Variants in HPCAL1 observed in about 807,000 individuals in gnomAD.
HPCAL1 encodes the protein hippocalcin like 1.
A neutral mutation model predicts 17.1 loss-of-function variants in HPCAL1; 8 were observed. The ratio of observed to expected loss-of-function variants is 0.47; its 90% CI spans 0.27 to 0.84. HPCAL1 has a LOEUF of 0.84. Ranked by LOEUF, HPCAL1 falls within the 40% of genes least tolerant of loss-of-function variation. The probability of loss-of-function intolerance (pLI) is 0.13; values close to 1 mark genes in which losing one functional copy is unlikely to be tolerated. For synonymous variants in HPCAL1, 112 were observed against 111.4 expected (o/e 1.01, Z -0.03); for missense variants, 165 against 271.1 (o/e 0.61, Z 2.75).
Position 10,365,056 on chromosome 2 carries a change from C to T in HPCAL1, c.-110-31779C>T, listed in dbSNP as rs1388875733. 6.6e-6 allele frequency among the ~76,000 whole-genome samples: 1 copy of T among 152,220 alleles called. No individual in the cohort carries two copies. Among genetic ancestry groups the T allele is most frequent in the East Asian group, 1.9e-4 (1 of 5,190 alleles). On this transcript the variant is annotated intron_variant, in intron 1 of 4. Transcript: ENST00000307845. The surrounding 1 kb of genome is among the most constrained non-coding windows in gnomAD (Gnocchi z 4.8). ...TCCTGATGCCTTTGGCCACCAGCCT[C>T]AAAATCTCCCAGAGTTCCAGGTGCT...
Position 10,310,839 on chromosome 2 carries a change from A to G in HPCAL1, c.-111+7662A>G, listed in dbSNP as rs2125382319. Reference sequence around the variant, plus strand: ...AGCGCTCTTTTTCTCTAGCAGCAAAATGCTCAGCTCTCTGCCTTCTTTCTG... The same window carrying G: ...AGCGCTCTTTTTCTCTAGCAGCAAAGTGCTCAGCTCTCTGCCTTCTTTCTG... On this transcript the variant is annotated intron_variant, in intron 1 of 4. Transcript: ENST00000307845. The surrounding 1 kb of genome is among the most constrained non-coding windows in gnomAD (Gnocchi z 4.5). Among the ~76,000 whole-genome samples the G allele has an allele frequency of 6.6e-6, 1 of 152,250 alleles. No individual in the cohort carries two copies. Among genetic ancestry groups the G allele is most frequent in the African/African-American group, 2.4e-5 (1 of 41,542 alleles).
At chr2:10,398,539 T>C (rs1263745608) in intron 2 of HPCAL1, among the ~76,000 whole-genome samples, 1 of 152,164 alleles carries the variant, frequency 6.6e-6, no homozygotes, top group Non-Finnish European at 1.5e-5. Flanking sequence ...GTTTCATCTG[T>C]GGCCCTGGTA....
intron 1 of HPCAL1, among the ~76,000 whole-genome samples, chr2:10,356,012 G>A (rs777257842): frequency 2.0e-5 from 3 of 152,164 alleles, no homozygotes; most frequent in East Asian, 1.9e-4. Flanking sequence ...CCCAGGGACC[G>A]CACAGAGCAG....
At chr2:10,328,482 C>T (rs1664150120) in intron 1 of HPCAL1, among the ~76,000 whole-genome samples, 1 of 152,208 alleles carries the variant, frequency 6.6e-6, no homozygotes, top group Non-Finnish European at 1.5e-5. Context: ...AGGATCTGCC[C>T]TCACCAGTGT....
At chr2:10,426,496 G>T in intron 4 of HPCAL1, 1 of 532,434 alleles carries the variant, frequency 1.9e-6, no homozygotes, top group South Asian at 2.2e-5. Context: ...AGCTTGCTGG[G>T]TAAGCCCTTT....
intron 1 of HPCAL1, among the ~76,000 whole-genome samples, chr2:10,313,549 G>T (rs765539071): frequency 2.0e-5 from 3 of 152,176 alleles, no homozygotes; most frequent in African/African-American, 7.2e-5. Flanking sequence ...TTTGTTTTAC[G>T]CATTTGTTAA....
chr2:10,417,727 T>G (rs1670761633), intron 2 of HPCAL1, among the ~76,000 whole-genome samples: 2 of 152,074 alleles, frequency 1.3e-5, no homozygotes, highest in African/African-American at 4.8e-5. Flanking sequence ...TGTTTGGAAT[T>G]TTGAAAGATA....
chr2:10,411,436 T>G, intron 2 of HPCAL1, among the ~76,000 whole-genome samples: 1 of 152,136 alleles, frequency 6.6e-6, no homozygotes, highest in Non-Finnish European at 1.5e-5. Flanking sequence ...CTTCACTGTG[T>G]CCTCCCCTGG....
chr2:10,358,711 G>A (rs1326999932), intron 1 of HPCAL1, among the ~76,000 whole-genome samples: 1 of 152,158 alleles, frequency 6.6e-6, no homozygotes, highest in Non-Finnish European at 1.5e-5. Flanking sequence ...GAGTTTGGCT[G>A]GGGCGGTCGG....
intron 4 of HPCAL1, 33 bp downstream of exon 4, chr2:10,423,121 AC>A (rs1671171730): frequency 6.7e-7 from 1 of 1,486,228 alleles, no homozygotes; most frequent in African/African-American, 1.4e-5. Context: ...CTGCATGTGT[AC>A]GCCACGGTAG....
chr2:10,341,036 T>C (rs764654831), intron 1 of HPCAL1, among the ~76,000 whole-genome samples: 1 of 152,224 alleles, frequency 6.6e-6, no homozygotes, highest in Admixed American at 6.5e-5. Flanking sequence ...TGATGGCCAC[T>C]GAACTAACCT....
rs1004882359 is a variant in HPCAL1, at chr2:10,348,612, A to AT, written c.-111+45435_-111+45436insT. 6.4e-3 allele frequency among the ~76,000 whole-genome samples: 957 copies of AT among 149,400 alleles called. 5 individuals are homozygous for AT. Among genetic ancestry groups the AT allele is most frequent in the Non-Finnish European group, 1.0e-2 (673 of 67,380 alleles). ...GATCCTGTCTCTACAAAAAAAAAAA[A>AT]ATATATATATATATAAATTAGCCAG... is the stretch of plus-strand genomic sequence containing the variant. On this transcript the variant is annotated intron_variant, in intron 1 of 4. Coordinates refer to ENST00000307845, the MANE Select transcript of HPCAL1 (RefSeq NM_002149.4).
intron 1 of HPCAL1, among the ~76,000 whole-genome samples, chr2:10,386,740 G>A (rs190152832): frequency 5.9e-5 from 9 of 152,300 alleles, no homozygotes; most frequent in African/African-American, 1.4e-4. Context: ...AGGAGACCAC[G>A]CTTCAGATGG....
At chr2:10,334,697 T>TTTTTTTTTTTTTTG (rs1664607171) in intron 1 of HPCAL1, among the ~76,000 whole-genome samples, 1 of 150,520 alleles carries the variant, frequency 6.6e-6, no homozygotes, top group Non-Finnish European at 1.5e-5. Context: ...TCCATTGACT[T>TTTTTTTTTTTTTTG]TTTTTTGAGG....
chr2:10,311,921 A>G (rs1314395636), intron 1 of HPCAL1, among the ~76,000 whole-genome samples: 1 of 148,272 alleles, frequency 6.7e-6, no homozygotes, highest in Non-Finnish European at 1.5e-5. Flanking sequence ...TCATCATTCC[A>G]TTCATCACCA....
At chr2:10,307,927 A>T (rs1416079483) in intron 1 of HPCAL1, among the ~76,000 whole-genome samples, 1 of 152,220 alleles carries the variant, frequency 6.6e-6, no homozygotes, top group Non-Finnish European at 1.5e-5. Flanking sequence ...TTAACGCAGT[A>T]AGTGCTTCTG....
chr2:10,306,770 G>A (rs1056977422), intron 1 of HPCAL1, among the ~76,000 whole-genome samples: 8 of 152,186 alleles, frequency 5.3e-5, no homozygotes, highest in African/African-American at 1.9e-4. Flanking sequence ...TAAATCATCT[G>A]AAAAGCACAG....
chr2:10,426,863 C>A lies in HPCAL1; in HGVS notation c.*42C>A. On this transcript the variant is annotated 3_prime_UTR_variant, in exon 5 of 5. Transcript: ENST00000307845. ...CAGTTGCAGAGAAACACAGGCTTGTCGTGCCGTTTAAGCTTTGCTTGCAAG... is the reference window on the plus strand; with the variant it reads ...CAGTTGCAGAGAAACACAGGCTTGTAGTGCCGTTTAAGCTTTGCTTGCAAG... 1 of 1,539,934 alleles carries A rather than the reference C, an allele frequency of 6.5e-7. No individual in the cohort carries two copies. Among genetic ancestry groups the A allele is most frequent in the Non-Finnish European group, 9.0e-7 (1 of 1,113,912 alleles).
rs1664330029 is a variant in HPCAL1 at position 10,330,950 on chromosome 2, C to T, written c.-111+27773C>T. On this transcript the variant is annotated intron_variant, in intron 1 of 4. Transcript: ENST00000307845. This position sits in a 1 kb window ranked among gnomAD's most constrained non-coding sequence, Gnocchi z 4.2. ...GGTGCAGCAAGCCCACCCCTGCATTCGGAGAGCCTTAGCGGGAAGCCTGTT... is the reference window on the plus strand; with the variant it reads ...GGTGCAGCAAGCCCACCCCTGCATTTGGAGAGCCTTAGCGGGAAGCCTGTT... Among the ~76,000 whole-genome samples, 1 of 152,172 alleles carries T rather than the reference C, an allele frequency of 6.6e-6. No homozygotes were observed. Among genetic ancestry groups the T allele is most frequent in the South Asian group, 2.1e-4 (1 of 4,834 alleles).
Sources: allele counts gnomAD v4.1 joint callset (sites outside exome capture counted in the v4.1 genomes callset), GRCh38; gene constraint gnomAD v4.1.1; non-coding constraint Gnocchi (gnomAD v3.1); transcripts MANE v1.5; gene names NCBI Gene and HGNC (gene_info 2026-07-23, HGNC 2026-07-21).